Variants in PDE11A observed in about 807,000 individuals in gnomAD.
PDE11A encodes the protein dual 3',5'-cyclic-AMP and -GMP phosphodiesterase 11A.
PDE11A carries 100 observed loss-of-function variants against 100.5 expected under a neutral mutation model. The observed-to-expected ratio is 1.00, with a 90% CI of 0.85 to 1.18. The LOEUF is 1.18. Among genes scored for constraint, PDE11A ranks in the 50% most tolerant of loss-of-function variants. The pLI, the probability that PDE11A is intolerant of heterozygous loss-of-function variation, is 0.00. For missense variants in PDE11A, 1,141 were observed against 1,152.6 expected, an observed-to-expected ratio of 0.99 and a Z score of 0.15; for synonymous variants, 381 against 420.8, an observed-to-expected ratio of 0.91 and a Z score of 1.16.
chr2:177,866,389 A>C (rs1007232356), intron 5 of PDE11A, among the ~76,000 whole-genome samples: 10 of 152,196 alleles, frequency 6.6e-5, no homozygotes, highest in Non-Finnish European at 1.3e-4. Flanking sequence ...TTTCCAAACC[A>C]CACTGTGACC....
chr2:177,992,812 C>T (rs190842052), intron 2 of PDE11A, among the ~76,000 whole-genome samples: 14 of 152,174 alleles, frequency 9.2e-5, no homozygotes, highest in Admixed American at 7.2e-4. Context: ...TATAACCTCA[C>T]CCCTTAGCAT....
chr2:177,922,903 A>G (rs374196266), intron 2 of PDE11A: 3 of 793,612 alleles, frequency 3.8e-6, no homozygotes, highest in South Asian at 5.8e-5. Flanking sequence ...GTCTTTGTTC[A>G]TCATAATTCC....
At chr2:177,748,924 T>C (rs1448516172) in intron 10 of PDE11A, among the ~76,000 whole-genome samples, 1 of 152,238 alleles carries the variant, frequency 6.6e-6, no homozygotes, top group Non-Finnish European at 1.5e-5. Context: ...GTTATTTATA[T>C]TGATAAAATT....
chr2:178,080,150 A>G (rs2087265389), intron 2 of PDE11A, among the ~76,000 whole-genome samples: 1 of 152,184 alleles, frequency 6.6e-6, no homozygotes, highest in South Asian at 2.1e-4. Flanking sequence ...TAGCTTAATT[A>G]GATCCCATTT....
chr2:177,798,352 T>A (rs906349443), intron 9 of PDE11A, among the ~76,000 whole-genome samples: 2 of 152,222 alleles, frequency 1.3e-5, no homozygotes, highest in Non-Finnish European at 1.5e-5. Flanking sequence ...TGAAATCACA[T>A]GAGATTGTAC....
At chr2:177,684,862 A>G (rs2080919751) in intron 15 of PDE11A, among the ~76,000 whole-genome samples, 1 of 152,240 alleles carries the variant, frequency 6.6e-6, no homozygotes, top group East Asian at 1.9e-4. Flanking sequence ...CAGTAGGTTA[A>G]AATAACAGCT....
chr2:178,085,246 G>T (rs1161952484), intron 2 of PDE11A, among the ~76,000 whole-genome samples: 2 of 152,108 alleles, frequency 1.3e-5, no homozygotes, highest in East Asian at 3.9e-4. Context: ...GACAGAGAAT[G>T]GCATGGAAAC....
intron 1 of PDE11A, among the ~76,000 whole-genome samples, chr2:178,022,443 A>C (rs150633616): frequency 9.1e-4 from 138 of 151,932 alleles, no homozygotes; most frequent in African/African-American, 3.1e-3. Flanking sequence ...GCTCAAAAAG[A>C]AGTTTGATAG....
Position 178,071,612 on chromosome 2 carries a change from T to A in PDE11A, c.826A>T (p.Asn276Tyr). Residue 276 changes from asparagine (N) to tyrosine (Y), a missense_variant, in exon 1 of 20, where the codon AAT becomes TAT. Transcript: ENST00000286063. ...TTGCCCCAGGGGACCTGCACCTCAT[T>A]TGAGTTCTCTGTGCTGCTGCAAGGC... ...LLPCSSTENS[N>Y]EVQVPWGKGI... 1 of 1,613,902 alleles carries A rather than the reference T, an allele frequency of 6.2e-7. No individual in the cohort carries two copies. Among genetic ancestry groups the A allele is most frequent in the Non-Finnish European group, 8.5e-7 (1 of 1,179,846 alleles).
intron 10 of PDE11A, among the ~76,000 whole-genome samples, chr2:177,734,196 T>C (rs1257334597): frequency 1.3e-5 from 2 of 152,176 alleles, no homozygotes; most frequent in African/African-American, 4.8e-5. Flanking sequence ...ATAAAACTCC[T>C]TGGGAAAGTC....
intron 10 of PDE11A, among the ~76,000 whole-genome samples, chr2:177,759,916 G>A (rs776373749): frequency 2.0e-5 from 3 of 152,104 alleles, no homozygotes; most frequent in African/African-American, 4.8e-5. Flanking sequence ...TTTCTCAGAC[G>A]TCATTACCAT....
chr2:177,778,724 T>A (rs573564167), intron 9 of PDE11A, among the ~76,000 whole-genome samples: 2 of 152,202 alleles, frequency 1.3e-5, no homozygotes, highest in Non-Finnish European at 2.9e-5. Flanking sequence ...TGAAGAACCA[T>A]ACTCCAGGAT....
chr2:177,734,673 G>A (rs1359913468), intron 10 of PDE11A, among the ~76,000 whole-genome samples: 6 of 152,052 alleles, frequency 3.9e-5, no homozygotes, highest in Non-Finnish European at 8.8e-5. Flanking sequence ...ACTAAAGTAA[G>A]CCTCAGATTG....
At chr2:177,795,331 G>T (rs778184222) in intron 9 of PDE11A, among the ~76,000 whole-genome samples, 4 of 152,096 alleles carry the variant, frequency 2.6e-5, no homozygotes, top group Non-Finnish European at 4.4e-5. Flanking sequence ...AACGGGAAGG[G>T]GCTACAACAG....
chr2:177,988,162 C>T (rs192413165), intron 2 of PDE11A, among the ~76,000 whole-genome samples: 1 of 152,204 alleles, frequency 6.6e-6, no homozygotes, highest in African/African-American at 2.4e-5. Context: ...TATAATTATC[C>T]TGAGACCAGG....
At chr2:177,831,913 G>A (rs1331149459) in intron 6 of PDE11A, among the ~76,000 whole-genome samples, 2 of 152,118 alleles carry the variant, frequency 1.3e-5, no homozygotes, top group African/African-American at 4.8e-5. Flanking sequence ...GGATTGGTGC[G>A]GCTTTAGCTA....
At chr2:177,662,224 A>G (rs1305021145) in intron 19 of PDE11A, among the ~76,000 whole-genome samples, 1 of 152,214 alleles carries the variant, frequency 6.6e-6, no homozygotes, top group Non-Finnish European at 1.5e-5. Context: ...GGAAAACCAT[A>G]TGAGGATCCT....
chr2:177,631,341 A>C lies in PDE11A; in HGVS notation c.2647-1779T>G, dbSNP rs182078680. ...AAAAAAACAACCTAGGCGTGGTGGCACATGCCTCACATGCCTGTAATCCTA... is the reference window on the plus strand; with the variant it reads ...AAAAAAACAACCTAGGCGTGGTGGCCCATGCCTCACATGCCTGTAATCCTA... On this transcript the variant is annotated intron_variant, in intron 19 of 19. Coordinates refer to ENST00000286063, the MANE Select transcript of PDE11A (RefSeq NM_016953.4). 2.1e-3 allele frequency among the ~76,000 whole-genome samples: 306 copies of C among 146,228 alleles called. 2 individuals are homozygous for C. Among genetic ancestry groups the C allele is most frequent in the East Asian group, 0.015 (72 of 4,930 alleles).
At chr2:177,905,533 T>C (rs2084772919) in intron 2 of PDE11A, among the ~76,000 whole-genome samples, 1 of 152,238 alleles carries the variant, frequency 6.6e-6, no homozygotes, top group Non-Finnish European at 1.5e-5. Flanking sequence ...AACTGTGATA[T>C]ACCTGGAATT....
Sources: allele counts gnomAD v4.1 joint callset (sites outside exome capture counted in the v4.1 genomes callset), GRCh38; gene constraint gnomAD v4.1.1; transcripts MANE v1.5; gene names NCBI Gene and HGNC (gene_info 2026-07-23, HGNC 2026-07-21).